The following USH2A variants were observed in gnomAD, a reference collection of about 807,000 sequenced individuals.
USH2A encodes the protein Usher syndrome 2A (autosomal recessive, mild).
Under a neutral mutation model 538.9 loss-of-function variants are expected in USH2A, and 443 were observed. The observed-to-expected ratio is 0.82, with a 90% CI of 0.76 to 0.89. The LOEUF (loss-of-function observed/expected upper bound fraction) is 0.89, where lower values mean the gene tolerates loss of function less well. Among genes scored for constraint, USH2A ranks in the 40% least tolerant of loss-of-function variants. The probability of loss-of-function intolerance (pLI) is 0.00; values close to 1 mark genes in which losing one functional copy is unlikely to be tolerated. For synonymous variants in USH2A, 2,413 were observed against 2,273.5 expected (o/e 1.06, Z -1.75); for missense variants, 6,633 against 6,324.8 (o/e 1.05, Z -1.65).
intron 64 of USH2A, among the ~76,000 whole-genome samples, chr1:215,663,298 C>T (rs777950551): frequency 3.3e-5 from 5 of 152,202 alleles, no homozygotes; most frequent in Non-Finnish European, 7.3e-5. Context: ...AAGTAGCAGG[C>T]ATCCTACTAG....
At chr1:216,151,447 C>CA (rs2033829811) in intron 21 of USH2A, among the ~76,000 whole-genome samples, 1 of 152,074 alleles carries the variant, frequency 6.6e-6, no homozygotes, top group Non-Finnish European at 1.5e-5. Flanking sequence ...ACCGACATGA[C>CA]AAAAAAGAGT....
At chr1:215,945,874 A>C (rs552700650) in intron 37 of USH2A, among the ~76,000 whole-genome samples, 1 of 152,240 alleles carries the variant, frequency 6.6e-6, no homozygotes, top group African/African-American at 2.4e-5. Context: ...CCAAGGGAAT[A>C]ATAAAAATGT....
At chr1:215,779,417 T>C (rs1421279844) in intron 55 of USH2A, among the ~76,000 whole-genome samples, 1 of 152,204 alleles carries the variant, frequency 6.6e-6, no homozygotes, top group Non-Finnish European at 1.5e-5. Flanking sequence ...GACTCCACTG[T>C]CAACTAGTCC....
chr1:216,042,741 T>C (rs368670490), intron 32 of USH2A, among the ~76,000 whole-genome samples: 1 of 152,146 alleles, frequency 6.6e-6, no homozygotes, highest in East Asian at 1.9e-4. Flanking sequence ...TCTCTGAGAG[T>C]CTCTGTAGAT....
intron 32 of USH2A, among the ~76,000 whole-genome samples, chr1:216,009,544 G>A (rs1250508661): frequency 3.9e-5 from 6 of 151,984 alleles, no homozygotes; most frequent in African/African-American, 1.5e-4. Context: ...TAGTCTCTGT[G>A]CCCAGTGCAA....
intron 47 of USH2A, among the ~76,000 whole-genome samples, chr1:215,826,870 T>A (rs1243223153): frequency 6.6e-6 from 1 of 152,134 alleles, no homozygotes; most frequent in African/African-American, 2.4e-5. Context: ...GTAACATATA[T>A]GAGAAGATGC....
At chr1:216,303,282 C>G (rs764418398) in intron 9 of USH2A, among the ~76,000 whole-genome samples, 31 of 151,828 alleles carry the variant, frequency 2.0e-4, no homozygotes, top group Non-Finnish European at 4.4e-4. Flanking sequence ...GGAAATATGG[C>G]CTGGAATAGA....
chr1:215,731,087 T>C (rs1659982339), intron 60 of USH2A, among the ~76,000 whole-genome samples: 1 of 152,254 alleles, frequency 6.6e-6, no homozygotes, highest in East Asian at 1.9e-4. Flanking sequence ...AATTAATTTT[T>C]ATTAAACTCT....
In USH2A at chr1:215,634,642, G is replaced by A. The variant is rs759701844; in HGVS notation, c.15114C>T (p.Tyr5038=). The A allele has an allele frequency of 9.9e-6, 16 of 1,614,134 alleles. No homozygotes were observed. In the East Asian group the frequency reaches 3.3e-4, roughly 34 times the overall value. ...TTAACACTATGAACCACAGCTCGCT[G>A]TAGAACTCTGTGCTTTTGCTCCGCG... ...KGSRSKSTEF[Y]SELWFIVLMA... Residue 5038 remains tyrosine (Y), a synonymous_variant, in exon 70 of 72, where the codon TAC becomes TAT. Transcript: ENST00000307340.
At position 215,682,930 on chromosome 1, in the gene USH2A, C is replaced by G. The variant is rs142005075; in HGVS notation, c.12067-2554G>C. 5.0e-3 allele frequency among the ~76,000 whole-genome samples: 761 copies of G among 152,032 alleles called. 6 individuals are homozygous for G. Among genetic ancestry groups the G allele is most frequent in the African/African-American group, 0.017 (724 of 41,454 alleles). On this transcript the variant is annotated intron_variant, in intron 61 of 71. Transcript: ENST00000307340. ...AGGCTGGAGTGTGGCATGATCATGG[C>G]TCGGTGCAGCCTTGAACTCCTGGGC...
chr1:215,794,952 C>A (rs543090922), intron 50 of USH2A, among the ~76,000 whole-genome samples: 1 of 152,290 alleles, frequency 6.6e-6, no homozygotes, highest in East Asian at 1.9e-4. Flanking sequence ...AAGTTAAGAA[C>A]CATTGTCCTA....
chr1:215,941,537 T>C lies in USH2A; in HGVS notation c.7121-6742A>G, dbSNP rs116538687. 5.1e-3 allele frequency among the ~76,000 whole-genome samples: 781 copies of C among 152,274 alleles called. 8 individuals carry two copies. Among genetic ancestry groups the C allele is most frequent in the African/African-American group, 0.017 (717 of 41,578 alleles). On this transcript the variant is annotated intron_variant, in intron 37 of 71. Coordinates refer to ENST00000307340, the MANE Select transcript of USH2A (RefSeq NM_206933.4). Reference sequence around the variant, plus strand: ...TCAGCTAAAAGTTATTGAACAAATATACTCTCATAGAAAGTGGTCTCCGGC... The same window carrying C: ...TCAGCTAAAAGTTATTGAACAAATACACTCTCATAGAAAGTGGTCTCCGGC...
intron 32 of USH2A, among the ~76,000 whole-genome samples, chr1:216,004,068 A>T (rs1668335900): frequency 6.6e-6 from 1 of 152,190 alleles, no homozygotes; most frequent in Admixed American, 6.5e-5. Flanking sequence ...AAAGGGAAGG[A>T]TAAAGTAACC....
intron 67 of USH2A, among the ~76,000 whole-genome samples, chr1:215,641,780 A>G (rs1010409036): frequency 2.0e-5 from 3 of 152,248 alleles, no homozygotes; most frequent in African/African-American, 4.8e-5. Context: ...CAAAATAAGG[A>G]ATAATTATGC....
chr1:215,649,043 C>T (rs1383470802), intron 65 of USH2A, among the ~76,000 whole-genome samples: 1 of 152,148 alleles, frequency 6.6e-6, no homozygotes, highest in Non-Finnish European at 1.5e-5. Context: ...TTATCTATTA[C>T]CTTAGAAAGG....
intron 59 of USH2A, 92 bp from the exon 60 acceptor site, chr1:215,741,629 T>C: frequency 7.1e-7 from 1 of 1,410,190 alleles, no homozygotes; most frequent in Non-Finnish European, 9.7e-7. Context: ...TCATGAAAAT[T>C]ATTTTAACCT....
At chr1:215,639,666 C>T (rs956516193) in intron 68 of USH2A, among the ~76,000 whole-genome samples, 1 of 152,118 alleles carries the variant, frequency 6.6e-6, no homozygotes, top group Non-Finnish European at 1.5e-5. Flanking sequence ...CTTCCAATGG[C>T]CAGGAACCTG....
intron 9 of USH2A, among the ~76,000 whole-genome samples, chr1:216,292,596 C>CT (rs1231435973): frequency 5.9e-5 from 9 of 151,354 alleles, no homozygotes; most frequent in South Asian, 2.1e-4. Context: ...GGAAAATGAT[C>CT]TTTTTTTTTC....
At chr1:216,324,996 A>G (rs2037700434) in intron 6 of USH2A, among the ~76,000 whole-genome samples, 1 of 152,156 alleles carries the variant, frequency 6.6e-6, no homozygotes, top group African/African-American at 2.4e-5. Flanking sequence ...CTTATATAAG[A>G]GAAAGAAAAG....
Sources: allele counts gnomAD v4.1 joint callset (sites outside exome capture counted in the v4.1 genomes callset), GRCh38; gene constraint gnomAD v4.1.1; transcripts MANE v1.5; gene names NCBI Gene and HGNC (gene_info 2026-07-23, HGNC 2026-07-21).